The following CCDC125 variants were observed in gnomAD, a reference collection of about 807,000 sequenced individuals.
The protein encoded by CCDC125 is coiled-coil domain-containing protein 125.
A neutral mutation model predicts 57.4 loss-of-function variants in CCDC125; 43 were observed. The observed-to-expected ratio is 0.75, with a 90% CI of 0.59 to 0.97. The LOEUF is 0.97. CCDC125 is among the 50% of genes least tolerant of loss of function. The probability of loss-of-function intolerance (pLI) is 0.00; values close to 1 mark genes in which losing one functional copy is unlikely to be tolerated. For synonymous variants in CCDC125, 187 were observed against 195.2 expected (o/e 0.96, Z 0.35); for missense variants, 563 against 595.7 (o/e 0.95, Z 0.57).
In CCDC125 at chr5:69,282,990, G is replaced by A. The variant is rs777362505; in HGVS notation, c.1275C>T (p.Ser425=). Residue 425 remains serine (S), a synonymous_variant, in exon 12 of 12, where the codon AGC becomes AGT. Transcript: ENST00000396496. The part of the protein sequence containing the change: ...EEALAHQRKV[S]YMLARALEDK... ...CTTCCAATGCCCGAGCAAGCATGTAGCTAACTTTTCTTTGATGAGCCAAAG... is the reference window on the plus strand; with the variant it reads ...CTTCCAATGCCCGAGCAAGCATGTAACTAACTTTTCTTTGATGAGCCAAAG... 7 of 1,606,664 alleles carry A rather than the reference G, an allele frequency of 4.4e-6. No homozygotes were observed. Among genetic ancestry groups the A allele is most frequent in the Non-Finnish European group, 5.1e-6 (6 of 1,177,452 alleles).
At chr5:69,273,297 A>T in the CCDC125 span, among the ~76,000 whole-genome samples, 1 of 149,862 alleles carries the variant, frequency 6.7e-6, no homozygotes, top group African/African-American at 2.5e-5. Flanking sequence ...ATACATGTCT[A>T]TTTCACATAA....
intron 1 of CCDC125, among the ~76,000 whole-genome samples, chr5:69,322,030 G>A (rs918656155): frequency 1.5e-4 from 23 of 152,018 alleles, no homozygotes; most frequent in African/African-American, 4.8e-4. Flanking sequence ...TAGTAGAGAC[G>A]GGGTTTCTCC....
chr5:69,284,810 G>C (rs1243677821), intron 11 of CCDC125, among the ~76,000 whole-genome samples: 1 of 152,120 alleles, frequency 6.6e-6, no homozygotes, highest in Non-Finnish European at 1.5e-5. Context: ...CACTAACACT[G>C]GCTGGGCATG....
At chr5:69,301,579 C>G (rs1045332735) in intron 7 of CCDC125, among the ~76,000 whole-genome samples, 4 of 151,824 alleles carry the variant, frequency 2.6e-5, no homozygotes, top group Non-Finnish European at 4.4e-5. Context: ...TACAGAAAGA[C>G]AAAAATATTA....
At chr5:69,321,919 C>T (rs1760083596) in intron 1 of CCDC125, among the ~76,000 whole-genome samples, 1 of 152,124 alleles carries the variant, frequency 6.6e-6, no homozygotes, top group African/African-American at 2.4e-5. Context: ...TCACCACAAA[C>T]TCCGCCTCCC....
the CCDC125 span, among the ~76,000 whole-genome samples, chr5:69,274,421 G>A: frequency 6.6e-6 from 1 of 152,154 alleles, no homozygotes; most frequent in East Asian, 1.9e-4. Context: ...GATAGCTTGA[G>A]CCCAGGAGTT....
At chr5:69,322,860 C>T (rs956670480) in intron 1 of CCDC125, among the ~76,000 whole-genome samples, 1 of 151,802 alleles carries the variant, frequency 6.6e-6, no homozygotes, top group East Asian at 2.0e-4. Context: ...CGCACTGGCC[C>T]AAAAATTTTT....
At chr5:69,277,595 C>T (rs4367248), downstream of CCDC125, among the ~76,000 whole-genome samples, 42,484 of 151,804 alleles carry the variant, frequency 0.28, 6,532 homozygotes, top group East Asian at 0.4. Context: ...GGTGAAACCC[C>T]GTCTCTACTA....
Position 69,292,327 on chromosome 5 carries a change from G to A in CCDC125, c.960C>T (p.Tyr320=), listed in dbSNP as rs757530927. The change falls in exon 10 of 12, where the codon TAC becomes TAT. Residue 320 remains tyrosine (Y), a synonymous_variant. Transcript: ENST00000396496. ...CAATTCTGAAAGCATCTGCCATCAC[G>A]TAAGCTTCTTCTTTACTCTTCTGCA... ...EILQKSKEEA[Y]VMADAFRIAF... 7.4e-6 allele frequency: 12 copies of A among 1,613,264 alleles called. No homozygotes were observed. The highest frequency in any genetic ancestry group is 5.5e-5 in the South Asian group (5 of 90,884).
intron 1 of CCDC125, among the ~76,000 whole-genome samples, chr5:69,328,173 G>C (rs1281469827): frequency 6.6e-6 from 1 of 152,140 alleles, no homozygotes; most frequent in East Asian, 1.9e-4. Flanking sequence ...TGGGATTATA[G>C]GCGTGAGCCA....
At chr5:69,308,055 A>G (rs375027191) in intron 4 of CCDC125, 27 bp from the exon 5 acceptor site, 56 of 1,525,678 alleles carry the variant, frequency 3.7e-5, no homozygotes, top group Non-Finnish European at 4.9e-5. Context: ...TAGCATCAGT[A>G]TAAATTAAAT....
intron 9 of CCDC125, chr5:69,294,166 AT>A (rs1280981981): frequency 1.1e-5 from 11 of 979,824 alleles, no homozygotes; most frequent in Non-Finnish European, 1.3e-5. Context: ...GATCCTAGTG[AT>A]TTTAAGCATA....
At chr5:69,283,155 C>T (rs1322321826) in intron 11 of CCDC125, 121 bp from the exon 12 acceptor site, 8 of 696,468 alleles carry the variant, frequency 1.1e-5, no homozygotes, top group Non-Finnish European at 1.8e-5. Context: ...CTGATCTGTC[C>T]ATCAGTATGA....
intron 4 of CCDC125, 132 bp downstream of exon 4, chr5:69,310,984 GCT>G (rs1332299724): frequency 6.0e-6 from 3 of 497,536 alleles, no homozygotes; most frequent in African/African-American, 5.9e-5. Flanking sequence ...AAATTATAAA[GCT>G]CTTAAAAATA....
At chr5:69,288,343 AG>A (rs1753845614) in intron 10 of CCDC125, among the ~76,000 whole-genome samples, 1 of 152,182 alleles carries the variant, frequency 6.6e-6, no homozygotes, top group Admixed American at 6.5e-5. Context: ...CCCAAACTCC[AG>A]GGAAGCGAGA....
chr5:69,286,482 C>T (rs1294068448), intron 10 of CCDC125, among the ~76,000 whole-genome samples: 1 of 151,588 alleles, frequency 6.6e-6, no homozygotes, highest in Non-Finnish European at 1.5e-5. Context: ...TTCGCCCCCT[C>T]TTGGCCTCCC....
rs757670496 is a variant in CCDC125 at position 69,307,991 on chromosome 5, A to C, written c.491T>G (p.Val164Gly). ...LGKATSHTQAVLQKTMEQNRS... is the reference protein window; with the variant it reads ...LGKATSHTQAGLQKTMEQNRS... ...GTTTTGTTCCATAGTTTTTTGAAGC[A>C]CTGCCTGCGTATGACTTGTGGCTTT... Residue 164 changes from valine to glycine, a missense_variant, in exon 5 of 12, where the codon GTG (valine) becomes GGG (glycine). Transcript: ENST00000396496. The C allele has an allele frequency of 6.2e-7, 1 of 1,614,116 alleles. No homozygotes were observed. The highest frequency in any genetic ancestry group is 8.5e-7 in the Non-Finnish European group (1 of 1,179,968).
At chr5:69,298,247 C>A (rs373613003) in intron 8 of CCDC125, among the ~76,000 whole-genome samples, 3 of 152,046 alleles carry the variant, frequency 2.0e-5, no homozygotes, top group African/African-American at 7.2e-5. Context: ...ATCTCCTGAC[C>A]TTGTGATCCG....
intron 2 of CCDC125, among the ~76,000 whole-genome samples, chr5:69,316,570 T>G (rs565339326): frequency 6.6e-6 from 1 of 151,538 alleles, no homozygotes; most frequent in African/African-American, 2.4e-5. Context: ...TATTTGGGAC[T>G]TTTTTTCCCA....
Sources: gnomAD v4.1 joint callset for allele counts (sites outside exome capture counted in the v4.1 genomes callset) on GRCh38, gnomAD v4.1.1 for gene constraint, MANE v1.5 for transcripts, NCBI Gene and HGNC (gene_info 2026-07-23, HGNC 2026-07-21) for gene names.